Variants in LNPEP observed in about 807,000 individuals in gnomAD.
LNPEP encodes leucyl and cystinyl aminopeptidase.
In LNPEP, 64 loss-of-function variants were observed where a neutral mutation model predicts 120.6. That is an observed-to-expected ratio of 0.53 (90% CI 0.43 to 0.65). LNPEP has a LOEUF of 0.65. Among genes scored for constraint, LNPEP ranks in the 30% least tolerant of loss-of-function variants. The pLI is 0.00. For synonymous variants in LNPEP, 435 were observed against 425.4 expected (o/e 1.02, Z -0.28); for missense variants, 1,057 against 1,200.0 (o/e 0.88, Z 1.76).
chr5:96,982,014 G>T (rs1790138495), intron 2 of LNPEP, among the ~76,000 whole-genome samples: 1 of 152,120 alleles, frequency 6.6e-6, no homozygotes, highest in Non-Finnish European at 1.5e-5. Flanking sequence ...GAACTGAAGG[G>T]CTGGAAACTG....
intron 1 of LNPEP, among the ~76,000 whole-genome samples, chr5:96,971,345 T>TTGTGTGTGTGTGTGTG (rs3076561): frequency 1.4e-5 from 2 of 142,824 alleles, no homozygotes; most frequent in African/African-American, 5.2e-5. Flanking sequence ...ACATTATTAT[T>TTGTGTGTGTGTGTGTG]TGTGTGTGTG....
In LNPEP at chr5:97,022,479, T is replaced by G; in HGVS notation, c.2556T>G (p.Thr852=). The change falls in exon 14 of 18, where the codon ACT becomes ACG. Residue 852 remains threonine (T), a synonymous_variant. Transcript: ENST00000231368. ...ATGACTGGATGGCATCCAATGGAAC[T>G]CAAAGGTGAAGTATACCTCTACTCA... ...LFDDWMASNG[T]QSLPTDVMTT... 1 of 1,612,000 alleles carries G rather than the reference T, an allele frequency of 6.2e-7. No individual in the cohort carries two copies. The highest frequency in any genetic ancestry group is 8.5e-7 in the Non-Finnish European group (1 of 1,178,142).
In LNPEP at chr5:96,972,731, T is replaced by C. The variant is rs186269556; in HGVS notation, c.20-6407T>C. ...TGTTTTGTCTAGTTTAATAGTTGTT[T>C]ATGAGAGGAATGATAATCTGGTACC... On this transcript the variant is annotated intron_variant, in intron 1 of 17. Coordinates refer to ENST00000231368, the MANE Select transcript of LNPEP (RefSeq NM_005575.3). Among the ~76,000 whole-genome samples, 10 of 152,192 alleles carry C rather than the reference T, an allele frequency of 6.6e-5. No individual in the cohort carries two copies. The East Asian group carries it at 1.9e-3, about 29-fold the overall frequency.
chr5:96,939,196 C>T (rs911222109), intron 1 of LNPEP, among the ~76,000 whole-genome samples: 4 of 150,444 alleles, frequency 2.7e-5, no homozygotes, highest in Non-Finnish European at 5.9e-5. Flanking sequence ...GAAATACATA[C>T]TAGAAAGTAT....
chr5:97,014,594 T>C (rs943858146), intron 12 of LNPEP, among the ~76,000 whole-genome samples: 3 of 152,138 alleles, frequency 2.0e-5, no homozygotes, highest in Admixed American at 1.3e-4. Context: ...TGCTATACTC[T>C]CTTTCCTGGC....
At chr5:96,936,347 G>C in intron 1 of LNPEP, 173 bp downstream of exon 1, 1 of 471,260 alleles carries the variant, frequency 2.1e-6, no homozygotes, top group Non-Finnish European at 3.5e-6. Context: ...GGTTCGGGGG[G>C]CGGGCGGCGG....
intron 1 of LNPEP, chr5:96,936,377 T>G: frequency 2.5e-5 from 10 of 396,494 alleles, no homozygotes; most frequent in East Asian, 4.0e-5. Flanking sequence ...GACCCGGGGC[T>G]GGCTTGAAGG....
intron 8 of LNPEP, among the ~76,000 whole-genome samples, chr5:96,999,474 A>G (rs1323520095): frequency 6.6e-6 from 1 of 152,196 alleles, no homozygotes; most frequent in African/African-American, 2.4e-5. Flanking sequence ...CAAGAAAATC[A>G]GGAGTTCAGT....
At chr5:97,009,171 G>T (rs1182497830) in intron 11 of LNPEP, among the ~76,000 whole-genome samples, 2 of 152,048 alleles carry the variant, frequency 1.3e-5, no homozygotes, top group Admixed American at 6.6e-5. Context: ...GAACACCCTT[G>T]CCTCCTCACT....
chr5:96,991,760 C>T (rs1303058399), intron 4 of LNPEP, among the ~76,000 whole-genome samples: 2 of 152,164 alleles, frequency 1.3e-5, no homozygotes, highest in African/African-American at 4.8e-5. Context: ...TGTGGGTTGT[C>T]TGTTCACTCT....
chr5:97,024,329 C>T (rs181996573), intron 14 of LNPEP, among the ~76,000 whole-genome samples, 192 bp from the exon 15 acceptor site: 43 of 152,264 alleles, frequency 2.8e-4, no homozygotes, highest in African/African-American at 9.9e-4. Flanking sequence ...TTAAATTGAA[C>T]TGATGTATCC....
At position 96,996,381 on chromosome 5, in the gene LNPEP, TC is replaced by T. The variant is rs3836862; in HGVS notation, c.1408-3del. On this transcript the variant is annotated splice_region_variant and splice_polypyrimidine_tract_variant and intron_variant, in intron 6 of 17. Transcript: ENST00000231368. Reference sequence around the variant, plus strand: ...TATCCTGTGGGTTAATTGTTTTCTCTCCCCCCAGTGGTTTGGCAATCTGGTA... The same window carrying T: ...TATCCTGTGGGTTAATTGTTTTCTCTCCCCCAGTGGTTTGGCAATCTGGTA... The T allele has an allele frequency of 0.58, 872,006 of 1,501,902 alleles. 255,808 individuals are homozygous for T. Among genetic ancestry groups the T allele is most frequent in the Middle Eastern group, 0.71 (4,130 of 5,808 alleles). 93.0% of individuals were successfully genotyped at this position (1,501,902 alleles called of 1,614,324 possible). A position where few individuals can be genotyped will look rare whatever the true frequency, so the allele number is the denominator to read the frequency against.
At chr5:96,998,492 T>C (rs769308111) in intron 8 of LNPEP, among the ~76,000 whole-genome samples, 1 of 152,210 alleles carries the variant, frequency 6.6e-6, no homozygotes, top group Non-Finnish European at 1.5e-5. Flanking sequence ...AATTGAGGTA[T>C]GCTGTCAGGT....
At chr5:96,958,148 T>C (rs1789512842) in intron 1 of LNPEP, among the ~76,000 whole-genome samples, 2 of 152,206 alleles carry the variant, frequency 1.3e-5, no homozygotes, top group Admixed American at 1.3e-4. Context: ...AACTCACCCC[T>C]GTGTGTTTTG....
intron 11 of LNPEP, among the ~76,000 whole-genome samples, chr5:97,008,173 T>TA (rs1389716705): frequency 6.6e-6 from 1 of 152,106 alleles, no homozygotes; most frequent in Non-Finnish European, 1.5e-5. Flanking sequence ...GAAGCACAGC[T>TA]AAAACATGGC....
At chr5:96,953,631 G>A (rs1706140728) in intron 1 of LNPEP, among the ~76,000 whole-genome samples, 1 of 152,136 alleles carries the variant, frequency 6.6e-6, no homozygotes, top group Middle Eastern at 3.2e-3. Context: ...ATAATATGTT[G>A]CCATATATAA....
intron 1 of LNPEP, among the ~76,000 whole-genome samples, chr5:96,972,677 T>C (rs1206915915): frequency 3.3e-5 from 5 of 152,132 alleles, no homozygotes; most frequent in African/African-American, 1.2e-4. Context: ...GGTCACACTC[T>C]GTTAGCTAGT....
In LNPEP at chr5:97,028,676, A is replaced by C. The variant is rs980377254; in HGVS notation, c.*143A>C. 2.3e-5 allele frequency: 17 copies of C among 747,104 alleles called. No homozygotes were observed. Among genetic ancestry groups the C allele is most frequent in the Non-Finnish European group, 3.3e-5 (15 of 455,858 alleles). 46.3% of individuals were successfully genotyped at this position (747,104 alleles called of 1,614,324 possible). A position where few individuals can be genotyped will look rare whatever the true frequency, so the allele number is the denominator to read the frequency against. Reference sequence around the variant, plus strand: ...GGAGTTCTAGTTAGCTCAGGGCCTGACTGTATTTTTCATCCATCTTTTCTG... The same window carrying C: ...GGAGTTCTAGTTAGCTCAGGGCCTGCCTGTATTTTTCATCCATCTTTTCTG... On this transcript the variant is annotated 3_prime_UTR_variant, in exon 18 of 18. Transcript: ENST00000231368.
At chr5:96,972,076 TA>T (rs959504315) in intron 1 of LNPEP, among the ~76,000 whole-genome samples, 4 of 152,092 alleles carry the variant, frequency 2.6e-5, no homozygotes, top group Non-Finnish European at 2.9e-5. Flanking sequence ...GATGCTGAAT[TA>T]AAAAAAACTC....
Sources: gnomAD v4.1 joint callset for allele counts (sites outside exome capture counted in the v4.1 genomes callset) on GRCh38, gnomAD v4.1.1 for gene constraint, MANE v1.5 for transcripts, NCBI Gene and HGNC (gene_info 2026-07-23, HGNC 2026-07-21) for gene names.